The following ATG5 variants were observed in gnomAD, a reference collection of about 807,000 sequenced individuals.
ATG5 encodes the protein autophagy related 5, also known as autophagy protein 5.
A neutral mutation model predicts 36.5 loss-of-function variants in ATG5; 14 were observed. That is an observed-to-expected ratio of 0.38 (90% CI 0.25 to 0.60). The LOEUF is 0.60. Among genes scored for constraint, ATG5 ranks in the 20% least tolerant of loss-of-function variants. ATG5 has a pLI of 0.60. For missense variants in ATG5, 195 were observed against 326.7 expected (o/e 0.60, Z 3.11); for synonymous variants, 95 against 101.5 (o/e 0.94, Z 0.38).
intron 5 of ATG5, among the ~76,000 whole-genome samples, chr6:106,276,242 A>G (rs1190859744): frequency 2.6e-5 from 4 of 152,120 alleles, no homozygotes; most frequent in Non-Finnish European, 5.9e-5. Flanking sequence ...AGGCGGGTGG[A>G]TCACGAGGTC....
chr6:106,219,913 T>A (rs1582565847), intron 6 of ATG5, among the ~76,000 whole-genome samples: 1 of 152,262 alleles, frequency 6.6e-6, no homozygotes, highest in African/African-American at 2.4e-5. Flanking sequence ...TTAATTATAA[T>A]CAAACTCACC....
At chr6:106,324,998 C>T (rs1304953676) in intron 1 of ATG5, among the ~76,000 whole-genome samples, 1 of 152,284 alleles carries the variant, frequency 6.6e-6, no homozygotes, top group East Asian at 1.9e-4. Context: ...CCAATAGTTT[C>T]CTAGGTTCCT....
At chr6:106,247,683 G>C (rs1778399093) in intron 6 of ATG5, among the ~76,000 whole-genome samples, 1 of 152,150 alleles carries the variant, frequency 6.6e-6, no homozygotes, top group Non-Finnish European at 1.5e-5. Context: ...TACATTTGGA[G>C]TCTGTTTTAA....
At chr6:106,312,853 GAATAGTATGA>G (rs1329260111) in intron 2 of ATG5, among the ~76,000 whole-genome samples, 1 of 152,170 alleles carries the variant, frequency 6.6e-6, no homozygotes, top group African/African-American at 2.4e-5. Flanking sequence ...AGTTTTCTTG[GAATAGTATGA>G]AAATGTGATT....
In ATG5 at chr6:106,185,454, A is replaced by G. The variant is rs1456518116; in HGVS notation, c.*1086T>C. 5 of 152,484 alleles carry G rather than the reference A, an allele frequency of 3.3e-5. No homozygotes were observed. In the South Asian group the frequency reaches 6.2e-4, roughly 19 times the overall value. The allele number at this position is 152,484 out of a possible 1,614,324, so 9.4% of individuals were successfully genotyped here. ...ATAAAGTGCAGCAAACTTTCCTTAT[A>G]TTGAATAAGAACTCCAGTAACCTCT... On this transcript the variant is annotated 3_prime_UTR_variant, in exon 8 of 8. Coordinates refer to ENST00000369076, the MANE Select transcript of ATG5 (RefSeq NM_004849.4).
rs750056505 is a variant in ATG5, at chr6:106,252,408, CCT to C, written c.479-4166_479-4165del. On this transcript the variant is annotated intron_variant, in intron 5 of 7. Transcript: ENST00000369076. ...AAAATCCTGATGGTCATCCATTTTT[CCT>C]CTCTCTCTCTGCTGAATTAAGCTTT... Among the ~76,000 whole-genome samples, 7 of 149,254 alleles carry C rather than the reference CCT, an allele frequency of 4.7e-5. No homozygotes were observed. In the East Asian group the frequency reaches 5.8e-4, roughly 12 times the overall value.
chr6:106,209,653 TACAC>T (rs1213070846), intron 6 of ATG5, among the ~76,000 whole-genome samples: 1 of 152,078 alleles, frequency 6.6e-6, no homozygotes, highest in Non-Finnish European at 1.5e-5. Context: ...TAGAACTAAA[TACAC>T]ACACACAGTA....
At position 106,313,577 on chromosome 6, in the gene ATG5, G is replaced by A. The variant is rs1582689368; in HGVS notation, c.108+2524C>T. Reference sequence around the variant, plus strand: ...TAAACGAAAAAATACAAATTGAAAAGTTATCTAGTTTCTACAAATTTCCTT... The same window carrying A: ...TAAACGAAAAAATACAAATTGAAAAATTATCTAGTTTCTACAAATTTCCTT... On this transcript the variant is annotated intron_variant, in intron 2 of 7. Coordinates refer to ENST00000369076, the MANE Select transcript of ATG5 (RefSeq NM_004849.4). 2.6e-5 allele frequency among the ~76,000 whole-genome samples: 4 copies of A among 152,252 alleles called. 1 individual carries two copies. Among genetic ancestry groups the A allele is most frequent in the Admixed American group, 2.6e-4 (4 of 15,292 alleles).
intron 2 of ATG5, among the ~76,000 whole-genome samples, chr6:106,312,635 C>T (rs1406698824): frequency 9.8e-6 from 1 of 102,320 alleles, no homozygotes; most frequent in Admixed American, 1.4e-4. Context: ...CACACACACA[C>T]ACACACACAC....
At chr6:106,254,940 T>C (rs546549384) in intron 5 of ATG5, among the ~76,000 whole-genome samples, 20 of 152,370 alleles carry the variant, frequency 1.3e-4, no homozygotes, top group African/African-American at 4.3e-4. Flanking sequence ...ATTGGGAGAA[T>C]AAAAGCCCTA....
chr6:106,245,979 G>A (rs1209292073), intron 6 of ATG5, among the ~76,000 whole-genome samples: 1 of 152,132 alleles, frequency 6.6e-6, no homozygotes, highest in Non-Finnish European at 1.5e-5. Context: ...TCAAGGCCAT[G>A]GTTGAAGACT....
At chr6:106,193,494 AT>A (rs1012166249) in intron 7 of ATG5, among the ~76,000 whole-genome samples, 1 of 152,204 alleles carries the variant, frequency 6.6e-6, no homozygotes, top group South Asian at 2.1e-4. Flanking sequence ...TTTAAATAAT[AT>A]AAAAAATCCC....
intron 7 of ATG5, among the ~76,000 whole-genome samples, chr6:106,192,101 C>G (rs1322373915): frequency 6.6e-6 from 1 of 151,920 alleles, no homozygotes; most frequent in Non-Finnish European, 1.5e-5. Context: ...GTATTAGAAA[C>G]CTTCACGTTT....
intron 7 of ATG5, among the ~76,000 whole-genome samples, chr6:106,194,369 T>C (rs566344751): frequency 6.6e-6 from 1 of 152,278 alleles, no homozygotes; most frequent in African/African-American, 2.4e-5. Context: ...TCCAAATACT[T>C]AAAAGTATCT....
intron 6 of ATG5, among the ~76,000 whole-genome samples, chr6:106,206,219 G>C (rs2791119): frequency 0.043 from 6,413 of 150,404 alleles, 391 homozygotes; most frequent in East Asian, 0.24. Context: ...AGAGGCCCCA[G>C]GGAGCTTGTA....
chr6:106,199,722 T>C (rs1235371934), intron 7 of ATG5, among the ~76,000 whole-genome samples: 1 of 152,210 alleles, frequency 6.6e-6, no homozygotes, highest in Admixed American at 6.5e-5. Context: ...GTAGTAAAGA[T>C]GGATTAGGAG....
chr6:106,319,500 T>C (rs942091989), intron 1 of ATG5, among the ~76,000 whole-genome samples: 1 of 152,216 alleles, frequency 6.6e-6, no homozygotes, highest in African/African-American at 2.4e-5. Context: ...CTACTAAACA[T>C]ACTATGCACT....
At chr6:106,190,495 C>T (rs988563268) in intron 7 of ATG5, among the ~76,000 whole-genome samples, 11 of 152,196 alleles carry the variant, frequency 7.2e-5, no homozygotes, top group Non-Finnish European at 1.5e-4. Flanking sequence ...CAAGGATGCA[C>T]ATATTGCATT....
At chr6:106,265,895 G>T (rs775435442) in intron 5 of ATG5, among the ~76,000 whole-genome samples, 1 of 152,080 alleles carries the variant, frequency 6.6e-6, no homozygotes. Flanking sequence ...CAGAAAGCTC[G>T]AAAGATCTAA....
Sources: allele counts gnomAD v4.1 joint callset (sites outside exome capture counted in the v4.1 genomes callset), GRCh38; gene constraint gnomAD v4.1.1; transcripts MANE v1.5; gene names NCBI Gene and HGNC (gene_info 2026-07-23, HGNC 2026-07-21).